Variants in BCAR1 observed in about 807,000 individuals in gnomAD.
The protein encoded by BCAR1 is breast cancer anti-estrogen resistance protein 1.
A neutral mutation model predicts 67.6 loss-of-function variants in BCAR1; 30 were observed. The ratio of observed to expected loss-of-function variants is 0.44; its 90% CI spans 0.33 to 0.60. BCAR1 has a LOEUF of 0.60. BCAR1 is among the 20% of genes least tolerant of loss of function. BCAR1 has a pLI of 0.02. For missense variants in BCAR1, 1,313 were observed against 1,222.3 expected, an observed-to-expected ratio of 1.07 and a Z score of -1.11; for synonymous variants, 626 against 556.7, an observed-to-expected ratio of 1.12 and a Z score of -1.75.
chr16:75,245,278 C>T (rs2077479262), intron 1 of BCAR1, among the ~76,000 whole-genome samples: 1 of 152,252 alleles, frequency 6.6e-6, no homozygotes, highest in African/African-American at 2.4e-5. Flanking sequence ...CCCTCCGGGT[C>T]CCCCAGCCCC....
intron 2 of BCAR1, chr16:75,238,014 C>T (rs1232806260): frequency 3.1e-6 from 4 of 1,286,224 alleles, no homozygotes; most frequent in African/African-American, 1.5e-5. Flanking sequence ...AGGTAAGATC[C>T]CCAGCGACCT....
At chr16:75,245,880 G>A (rs964547302) in intron 1 of BCAR1, 1 of 150,392 alleles carries the variant, frequency 6.6e-6, no homozygotes, top group African/African-American at 2.4e-5. Flanking sequence ...GGGCCCGGCT[G>A]TGGGACTTTG....
At chr16:75,256,192 A>C (rs1461780568), upstream of BCAR1, 1 of 152,446 alleles carries the variant, frequency 6.6e-6, no homozygotes, top group African/African-American at 2.4e-5. Context: ...TGGCCAGCAG[A>C]GCTCGCACCT....
Position 75,235,167 on chromosome 16 carries a change from G to T in BCAR1, c.1732C>A (p.Arg578=). The T allele has an allele frequency of 6.2e-7, 1 of 1,608,756 alleles. No homozygotes were observed. Among genetic ancestry groups the T allele is most frequent in the Non-Finnish European group, 8.5e-7 (1 of 1,179,832 alleles). ...ACAGCCCGCGAGCAGGCCACCAGCC[G>T]GTCCAGGTCCTCAAGGGTGGCTCCA... is the stretch of plus-strand genomic sequence containing the variant. ...GSGATLEDLD[R]LVACSRAVPE... is the part of the protein sequence containing the mutation. The change falls in exon 5 of 7, where the codon CGG becomes AGG. Residue 578 remains arginine (R), a synonymous_variant. Transcript: ENST00000162330.
chr16:75,233,214 A>G (rs1379172071), intron 6 of BCAR1, among the ~76,000 whole-genome samples: 1 of 152,166 alleles, frequency 6.6e-6, no homozygotes, highest in Admixed American at 6.5e-5. Flanking sequence ...CTCTATAAAA[A>G]ATATAAAAAT....
chr16:75,240,348 G>A (rs893488535), intron 2 of BCAR1, among the ~76,000 whole-genome samples: 5 of 152,156 alleles, frequency 3.3e-5, no homozygotes, highest in Non-Finnish European at 5.9e-5. Context: ...CAGATGTCCC[G>A]CAGCCAGGTG....
upstream of BCAR1, among the ~76,000 whole-genome samples, chr16:75,255,164 T>C (rs1007119483): frequency 2.6e-5 from 4 of 152,184 alleles, no homozygotes; most frequent in African/African-American, 9.7e-5. Context: ...AGAAAATGCT[T>C]ACAACAAACT....
chr16:75,239,000 G>T (rs1265195720), intron 2 of BCAR1: 1 of 985,300 alleles, frequency 1.0e-6, no homozygotes, highest in Admixed American at 6.1e-5. Context: ...CTCACGCGGT[G>T]AGGCCCAGGG....
rs201830527 is a variant in BCAR1 at position 75,234,927 on chromosome 16, C to T, written c.1972G>A (p.Gly658Arg). Residue 658 changes from glycine (G) to arginine (R), a missense_variant, in exon 5 of 7, where the codon GGG becomes AGG. By Grantham distance (125) the Gly-to-Arg change is moderately radical. This residue lies in a region of BCAR1 where 1,272 missense variants were observed against 1,137.5 expected (regional missense o/e 1.12). Transcript: ENST00000162330. ...SPDGQYENSE[G>R]GWMEDYDYVH... Reference sequence around the variant, plus strand: ...TAGTCATAGTCCTCCATCCAGCCCCCCTCGCTGTTCTCGTACTGCCCATCT... The same window carrying T: ...TAGTCATAGTCCTCCATCCAGCCCCTCTCGCTGTTCTCGTACTGCCCATCT... 8 of 1,558,026 alleles carry T rather than the reference C, an allele frequency of 5.1e-6. No individual in the cohort carries two copies. In the Admixed American group the frequency reaches 5.3e-5, roughly 10 times the overall value.
At chr16:75,248,194 G>T in intron 1 of BCAR1, 2 of 1,566,096 alleles carry the variant, frequency 1.3e-6, no homozygotes, top group South Asian at 1.2e-5. Context: ...ACCGAGGGGT[G>T]ACGCCTGGGT....
In BCAR1 at chr16:75,229,366, C is replaced by T; in HGVS notation, c.*145G>A. ...CACCCTGCCCGGCCATAAATATATA[C>T]AGATTCCTGGGCATCCAGGGCACCA... On this transcript the variant is annotated 3_prime_UTR_variant, in exon 7 of 7. Transcript: ENST00000162330. The T allele has an allele frequency of 7.9e-7, 1 of 1,272,194 alleles. No individual in the cohort carries two copies. The highest frequency in any genetic ancestry group is 1.0e-6 in the Non-Finnish European group (1 of 954,132). 78.8% of individuals were successfully genotyped at this position (1,272,194 alleles called of 1,614,324 possible). A position where few individuals can be genotyped will look rare whatever the true frequency, so the allele number is the denominator to read the frequency against.
upstream of BCAR1, among the ~76,000 whole-genome samples, chr16:75,252,944 C>G (rs867571030): frequency 7.2e-5 from 11 of 152,326 alleles, no homozygotes; most frequent in African/African-American, 2.4e-4. Context: ...TGTCCCACCC[C>G]TCCCAAAAAA....
At chr16:75,258,689 A>G (rs910593599) in intron 1 of BCAR1, among the ~76,000 whole-genome samples, 2 of 152,258 alleles carry the variant, frequency 1.3e-5, no homozygotes, top group African/African-American at 4.8e-5. Context: ...AAATAACAGC[A>G]AAGATTTGTA....
At chr16:75,264,066 C>A in intron 1 of BCAR1, 1 of 1,241,060 alleles carries the variant, frequency 8.1e-7, no homozygotes, top group Non-Finnish European at 1.0e-6. Context: ...ACTCAGAGCC[C>A]GTGATGGTGT....
rs767573521 is a variant in BCAR1 at position 75,235,183 on chromosome 16, G to A, written c.1716C>T (p.Thr572=). ...CCACCAGCCGGTCCAGGTCCTCAAGGGTGGCTCCAGAGCCTCCCCGGCCAG... is the reference window on the plus strand; with the variant it reads ...CCACCAGCCGGTCCAGGTCCTCAAGAGTGGCTCCAGAGCCTCCCCGGCCAG... The part of the protein sequence containing the change: ...LDAGRGGSGA[T]LEDLDRLVAC... Residue 572 remains threonine, a synonymous_variant, in exon 5 of 7, where the codon ACC becomes ACT. Transcript: ENST00000162330. 10 of 1,608,836 alleles carry A rather than the reference G, an allele frequency of 6.2e-6. No individual in the cohort carries two copies. The South Asian group carries it at 8.8e-5, about 14-fold the overall frequency.
chr16:75,263,775 G>C (rs8063014), intron 1 of BCAR1: 1 of 986,574 alleles, frequency 1.0e-6, no homozygotes, highest in Non-Finnish European at 1.2e-6. Context: ...CTGAGCAGTC[G>C]CCACTCTGGG....
intron 2 of BCAR1, chr16:75,238,534 G>A (rs1243384440): frequency 1.0e-6 from 1 of 992,538 alleles, no homozygotes; most frequent in Non-Finnish European, 1.2e-6. Context: ...TGTGAGGGGG[G>A]CGCTGAGCAT....
rs1172042664 is a variant in BCAR1, at chr16:75,229,322, C to T, written c.*189G>A. 1.6e-5 allele frequency: 16 copies of T among 996,704 alleles called. No homozygotes were observed. The highest frequency in any genetic ancestry group is 2.1e-5 in the Non-Finnish European group (15 of 719,486). 61.7% of individuals were successfully genotyped at this position (996,704 alleles called of 1,614,324 possible). ...CTGGCCGGCCCCTGGGCTTCGGCTC[C>T]TGAGGAGGCATGGCCCCACACCCTG... is the stretch of plus-strand genomic sequence containing the variant. On this transcript the variant is annotated 3_prime_UTR_variant, in exon 7 of 7. Coordinates refer to ENST00000162330, the MANE Select transcript of BCAR1 (RefSeq NM_014567.5).
At chr16:75,251,822 C>G (rs571264899), upstream of BCAR1, 6 of 355,660 alleles carry the variant, frequency 1.7e-5, no homozygotes, top group South Asian at 5.4e-4. Context: ...GCTCCAGGCC[C>G]CTGCCCGAGG....
Sources: allele counts gnomAD v4.1 joint callset (sites outside exome capture counted in the v4.1 genomes callset), GRCh38; gene constraint gnomAD v4.1.1; regional missense constraint gnomAD v4.1.1; transcripts MANE v1.5; gene names NCBI Gene and HGNC (gene_info 2026-07-23, HGNC 2026-07-21).